Variants in ZNF385D observed in about 807,000 individuals in gnomAD.
ZNF385D encodes zinc finger protein 385D.
In ZNF385D, 15 loss-of-function variants were observed where a neutral mutation model predicts 35.8. That is an observed-to-expected ratio of 0.42 (90% CI 0.28 to 0.64). ZNF385D has a LOEUF of 0.64. ZNF385D is among the 30% of genes least tolerant of loss of function. ZNF385D has a pLI of 0.23. For missense variants in ZNF385D, 474 were observed against 494.6 expected, an observed-to-expected ratio of 0.96 and a Z score of 0.39; for synonymous variants, 212 against 186.8, an observed-to-expected ratio of 1.13 and a Z score of -1.10.
chr3:21,599,563 G>A (rs184902024), intron 2 of ZNF385D, among the ~76,000 whole-genome samples: 25 of 152,266 alleles, frequency 1.6e-4, no homozygotes, highest in Admixed American at 7.2e-4. Flanking sequence ...GTATAAACAT[G>A]GAGTTTGGTG....
rs947238423 is a variant in ZNF385D at position 22,148,136 on chromosome 3, A to G, written c.325+20681T>C. Among the ~76,000 whole-genome samples the G allele has an allele frequency of 2.0e-5, 3 of 152,306 alleles. No homozygotes were observed. In the South Asian group the frequency reaches 6.2e-4, roughly 32 times the overall value. On this transcript the variant is annotated intron_variant, in intron 3 of 5. Coordinates refer to the ZNF385D transcript ENST00000494108. ...AAAATTTATATAACAACCCTCATAT[A>G]GAACCATATAATTCAAGGAAACTCA... is the stretch of plus-strand genomic sequence containing the variant.
chr3:22,138,485 C>T (rs1040746486), intron 3 of ZNF385D, among the ~76,000 whole-genome samples: 5 of 151,930 alleles, frequency 3.3e-5, no homozygotes, highest in Non-Finnish European at 7.4e-5. Flanking sequence ...ACCAACGGAA[C>T]AGAACAGAGC....
At chr3:22,185,107 C>T (rs1367031785) in intron 2 of ZNF385D, among the ~76,000 whole-genome samples, 10 of 152,016 alleles carry the variant, frequency 6.6e-5, no homozygotes, top group Non-Finnish European at 1.3e-4. Context: ...CTATAATCTA[C>T]CAATGAGAGA....
At chr3:21,960,469 C>T (rs548618555) in intron 3 of ZNF385D, among the ~76,000 whole-genome samples, 4 of 151,988 alleles carry the variant, frequency 2.6e-5, no homozygotes, top group Non-Finnish European at 5.9e-5. Context: ...AAAAACGGAT[C>T]CCTTGTACAC....
In ZNF385D at chr3:21,946,611, C is replaced by G. The variant is rs113724641; in HGVS notation, c.325+222206G>C. ...CTTTGGGAGGCTGAGGCAAGTGGATCACTTGAGCTCAGGAGTTGGAGACCA... is the reference window on the plus strand; with the variant it reads ...CTTTGGGAGGCTGAGGCAAGTGGATGACTTGAGCTCAGGAGTTGGAGACCA... On this transcript the variant is annotated intron_variant, in intron 3 of 5. Coordinates refer to the ZNF385D transcript ENST00000494108. Among the ~76,000 whole-genome samples the G allele has an allele frequency of 6.5e-3, 994 of 152,234 alleles. 12 individuals carry two copies. Among genetic ancestry groups the G allele is most frequent in the African/African-American group, 0.022 (907 of 41,552 alleles).
rs143481831 is a variant in ZNF385D, at chr3:21,972,529, G to C, written c.325+196288C>G. Among the ~76,000 whole-genome samples the C allele has an allele frequency of 4.1e-4, 63 of 151,980 alleles. No homozygotes were observed. In the East Asian group the frequency reaches 0.012, roughly 28 times the overall value. On this transcript the variant is annotated intron_variant, in intron 3 of 5. Coordinates refer to the ZNF385D transcript ENST00000494108. ...CCTATTGGTGTATTTTAGAGAAGTAGAAGATCAAGAACAAATCAAACCACA... is the reference window on the plus strand; with the variant it reads ...CCTATTGGTGTATTTTAGAGAAGTACAAGATCAAGAACAAATCAAACCACA...
intron 4 of ZNF385D, among the ~76,000 whole-genome samples, chr3:21,509,117 T>TA (rs1222274529): frequency 6.6e-6 from 1 of 152,106 alleles, no homozygotes; most frequent in Non-Finnish European, 1.5e-5. Context: ...CATATATATA[T>TA]TTTTAAATGA....
chr3:22,245,859 T>C (rs888942129), intron 2 of ZNF385D, among the ~76,000 whole-genome samples: 5 of 152,080 alleles, frequency 3.3e-5, no homozygotes, highest in African/African-American at 1.2e-4. Context: ...GGATTTGACA[T>C]GAAGAACCTC....
intron 4 of ZNF385D, among the ~76,000 whole-genome samples, chr3:21,500,996 C>T (rs1706314842): frequency 6.6e-6 from 1 of 152,156 alleles, no homozygotes. Flanking sequence ...CCACATATCC[C>T]CACGTGTGTA....
chr3:22,082,815 C>A (rs1213143219), intron 3 of ZNF385D, among the ~76,000 whole-genome samples: 2 of 152,174 alleles, frequency 1.3e-5, no homozygotes, highest in Non-Finnish European at 2.9e-5. Flanking sequence ...CCGACTGACA[C>A]CTCATACAGC....
intron 1 of ZNF385D, among the ~76,000 whole-genome samples, chr3:21,745,610 T>C (rs2069731472): frequency 6.6e-6 from 1 of 152,226 alleles, no homozygotes; most frequent in Admixed American, 6.5e-5. Context: ...CAATCATGTG[T>C]GAAATTCTGT....
At chr3:21,911,507 A>G (rs942549009) in intron 3 of ZNF385D, among the ~76,000 whole-genome samples, 1 of 151,948 alleles carries the variant, frequency 6.6e-6, no homozygotes, top group Non-Finnish European at 1.5e-5. Flanking sequence ...TTTTATTTGT[A>G]TTATGGCCAT....
rs35586361 is a variant in ZNF385D, at chr3:21,694,042, C to CTTTTTTTTTTT, written c.23-29025_23-29015dup. Among the ~76,000 whole-genome samples the CTTTTTTTTTTT allele has an allele frequency of 8.1e-4, 18 of 22,168 alleles. 3 individuals are homozygous for CTTTTTTTTTTT. Among genetic ancestry groups the CTTTTTTTTTTT allele is most frequent in the African/African-American group, 2.5e-3 (12 of 4,756 alleles). 14.5% of individuals were successfully genotyped at this position (22,168 alleles called of 152,430 possible). A position where few individuals can be genotyped will look rare whatever the true frequency, so the allele number is the denominator to read the frequency against. ...TACAGGCGCGTGCCACTACGCCTGG[C>CTTTTTTTTTTT]TTTTTTTTTTTTTTTTTTTGAGACA... On this transcript the variant is annotated intron_variant, in intron 1 of 7. Coordinates refer to ENST00000281523, the MANE Select transcript of ZNF385D (RefSeq NM_024697.3).
rs542640708 is a variant in ZNF385D, at chr3:22,081,584, G to C, written c.325+87233C>G. On this transcript the variant is annotated intron_variant, in intron 3 of 5. Transcript: ENST00000494108. ...CTACACACTTCCAATAGATAGACTG[G>C]TGTTTTAGATGATTAAGTGTTGGCA... is the stretch of plus-strand genomic sequence containing the variant. Among the ~76,000 whole-genome samples, 5 of 152,268 alleles carry C rather than the reference G, an allele frequency of 3.3e-5. No homozygotes were observed. The East Asian group carries it at 5.8e-4, about 18-fold the overall frequency.
At chr3:21,818,783 A>G (rs149285349) in intron 3 of ZNF385D, among the ~76,000 whole-genome samples, 52 of 152,028 alleles carry the variant, frequency 3.4e-4, no homozygotes, top group African/African-American at 1.2e-3. Flanking sequence ...ATATTTTTGT[A>G]TTTTTTAATA....
Position 21,937,884 on chromosome 3 carries a change from C to T in ZNF385D, c.325+230933G>A, listed in dbSNP as rs183090287. 2.5e-3 allele frequency among the ~76,000 whole-genome samples: 378 copies of T among 152,190 alleles called. 1 individual carries two copies. The highest frequency in any genetic ancestry group is 8.7e-3 in the African/African-American group (360 of 41,550). On this transcript the variant is annotated intron_variant, in intron 3 of 5. Coordinates refer to the ZNF385D transcript ENST00000494108. ...AGCCTCTATAACATAAGCGTATTTT[C>T]CAATCATTAATGTCTTAAGCAAAAA...
At chr3:22,345,749 C>T (rs1355392437) in intron 2 of ZNF385D, among the ~76,000 whole-genome samples, 2 of 152,174 alleles carry the variant, frequency 1.3e-5, no homozygotes, top group South Asian at 2.1e-4. Context: ...CTGGCTGATA[C>T]ATTCAATTAT....
At chr3:22,143,537 T>C (rs1016369063) in intron 3 of ZNF385D, among the ~76,000 whole-genome samples, 1 of 152,194 alleles carries the variant, frequency 6.6e-6, no homozygotes, top group Non-Finnish European at 1.5e-5. Flanking sequence ...TATTGATTCA[T>C]ACACACACTT....
At chr3:21,482,248 C>G (rs1245387199) in intron 4 of ZNF385D, among the ~76,000 whole-genome samples, 2 of 151,998 alleles carry the variant, frequency 1.3e-5, no homozygotes, top group Admixed American at 6.6e-5. Context: ...TTCTCTAAAT[C>G]AGGAGTCAGT....
Sources: allele counts gnomAD v4.1 joint callset (sites outside exome capture counted in the v4.1 genomes callset), GRCh38; gene constraint gnomAD v4.1.1; transcripts MANE v1.5; gene names NCBI Gene and HGNC (gene_info 2026-07-23, HGNC 2026-07-21).